Variants in VIPR2 observed in about 807,000 individuals in gnomAD.
VIPR2 encodes vasoactive intestinal peptide receptor 2.
In VIPR2, 48 loss-of-function variants were observed where a neutral mutation model predicts 58.0. The ratio of observed to expected loss-of-function variants is 0.83; its 90% confidence interval spans 0.66 to 1.05. The LOEUF (loss-of-function observed/expected upper bound fraction) is 1.05, where lower values mean the gene tolerates loss of function less well. Ranked by LOEUF, VIPR2 falls within the 50% of genes least tolerant of loss-of-function variation. VIPR2 has a pLI of 0.00. For synonymous variants in VIPR2, 243 were observed against 235.2 expected (o/e 1.03, Z -0.30); for missense variants, 534 against 558.0 (o/e 0.96, Z 0.43).
chr7:159,042,762 G>C (rs1357529013), intron 6 of VIPR2, among the ~76,000 whole-genome samples: 1 of 152,186 alleles, frequency 6.6e-6, no homozygotes, highest in Non-Finnish European at 1.5e-5. Flanking sequence ...CCTCAGTCTA[G>C]CTCCATGGGG....
chr7:159,098,151 C>G lies in VIPR2; in HGVS notation c.357+5606G>C, dbSNP rs977647102. Among the ~76,000 whole-genome samples the G allele has an allele frequency of 2.0e-5, 3 of 152,186 alleles. No homozygotes were observed. The highest frequency in any genetic ancestry group is 7.2e-5 in the African/African-American group (3 of 41,446). ...TTCTGTTTTCCACGCAGTGGGAACC[C>G]CGGCCCCCATCCATCAGCACAGAAG... On this transcript the variant is annotated intron_variant, in intron 4 of 12. Transcript: ENST00000262178. The surrounding 1 kb of genome is among the most constrained non-coding windows in gnomAD (Gnocchi z 5.2).
intron 2 of VIPR2, among the ~76,000 whole-genome samples, chr7:159,123,875 T>A (rs970148657): frequency 6.6e-6 from 1 of 152,264 alleles, no homozygotes; most frequent in African/African-American, 2.4e-5. Flanking sequence ...CTCATAATGG[T>A]ATGGATTTGC....
At chr7:159,039,695 C>G (rs1047924288) in intron 6 of VIPR2, among the ~76,000 whole-genome samples, 1 of 152,076 alleles carries the variant, frequency 6.6e-6, no homozygotes. Flanking sequence ...AAGTCAGACC[C>G]GAATCTGGTG....
intron 2 of VIPR2, among the ~76,000 whole-genome samples, chr7:159,129,139 T>C (rs923665794): frequency 0.031 from 3,604 of 116,182 alleles, 28 homozygotes; most frequent in Non-Finnish European, 0.036. Flanking sequence ...AACTGGCCTC[T>C]GGGGGGGACA....
chr7:159,053,953 G>C (rs961633396), intron 5 of VIPR2, among the ~76,000 whole-genome samples: 2 of 152,194 alleles, frequency 1.3e-5, no homozygotes, highest in African/African-American at 2.4e-5. Flanking sequence ...AATAAAAAAG[G>C]GTTGATGGAC....
chr7:159,040,268 A>AC (rs1352847546), intron 6 of VIPR2, among the ~76,000 whole-genome samples: 1 of 152,078 alleles, frequency 6.6e-6, no homozygotes, highest in African/African-American at 2.4e-5. Flanking sequence ...GATGTGAGGA[A>AC]CCCCGGCCAG....
intron 4 of VIPR2, among the ~76,000 whole-genome samples, chr7:159,070,293 A>C (rs73730144): frequency 0.083 from 12,473 of 150,936 alleles, 1,187 homozygotes; most frequent in African/African-American, 0.24. Context: ...TCCGCACACG[A>C]CCCAGGGCCC....
intron 2 of VIPR2, among the ~76,000 whole-genome samples, chr7:159,115,045 C>T (rs1323650938): frequency 6.6e-6 from 1 of 152,200 alleles, no homozygotes; most frequent in Non-Finnish European, 1.5e-5. Flanking sequence ...AACCCTAGAA[C>T]TGTACTTTCT....
At position 159,031,418 on chromosome 7, in the gene VIPR2, G is replaced by A. The variant is rs890701866; in HGVS notation, c.1143+410C>T. ...TGAACGCAGGGCAGAGCTCGGCTCCGGGCTTCCTCCCCAGGGACTCACAGG... is the reference window on the plus strand; with the variant it reads ...TGAACGCAGGGCAGAGCTCGGCTCCAGGCTTCCTCCCCAGGGACTCACAGG... On this transcript the variant is annotated intron_variant, in intron 12 of 12. Transcript: ENST00000262178. The surrounding 1 kb of genome is among the most constrained non-coding windows in gnomAD (Gnocchi z 4.0). 2.4e-5 allele frequency: 24 copies of A among 984,164 alleles called. No homozygotes were observed. In the East Asian group the frequency reaches 2.3e-3, roughly 93 times the overall value. 61.0% of individuals were successfully genotyped at this position (984,164 alleles called of 1,614,324 possible).
At chr7:159,056,719 C>A (rs1367264493) in intron 5 of VIPR2, among the ~76,000 whole-genome samples, 1 of 152,198 alleles carries the variant, frequency 6.6e-6, no homozygotes, top group Non-Finnish European at 1.5e-5. Flanking sequence ...ATGTTCAATG[C>A]CCGCAAAGCA....
chr7:159,057,947 T>TCA (rs923358380), intron 5 of VIPR2, among the ~76,000 whole-genome samples: 38 of 152,286 alleles, frequency 2.5e-4, no homozygotes, highest in African/African-American at 8.4e-4. Flanking sequence ...GCTAAGCCCT[T>TCA]CACATCTACC....
At chr7:159,144,328 C>T in intron 1 of VIPR2, 1 of 1,525,648 alleles carries the variant, frequency 6.6e-7, no homozygotes, top group Non-Finnish European at 8.8e-7. Context: ...CGAGAGGCAT[C>T]TGCGGCCAAC....
chr7:159,057,779 A>G (rs73730123), intron 5 of VIPR2, among the ~76,000 whole-genome samples: 1,650 of 152,216 alleles, frequency 0.011, 33 homozygotes, highest in African/African-American at 0.037. Context: ...CCCCAACCCA[A>G]ATGAACAATG....
intron 10 of VIPR2, 22 bp downstream of exon 10, chr7:159,034,191 C>T (rs1448423601): frequency 1.7e-5 from 28 of 1,612,272 alleles, no homozygotes; most frequent in Non-Finnish European, 2.3e-5. Context: ...TCAGGGACGG[C>T]CAGGCCGGGA....
intron 5 of VIPR2, among the ~76,000 whole-genome samples, chr7:159,056,941 C>CT (rs976244601): frequency 1.1e-4 from 16 of 152,162 alleles, no homozygotes; most frequent in Admixed American, 9.2e-4. Flanking sequence ...CAGACATGCA[C>CT]TTTTTTCAGC....
chr7:159,097,425 C>G lies in VIPR2; in HGVS notation c.357+6332G>C, dbSNP rs116472473. On this transcript the variant is annotated intron_variant, in intron 4 of 12. Transcript: ENST00000262178. This position sits in a 1 kb window ranked among gnomAD's most constrained non-coding sequence, Gnocchi z 5.3. ...CAGAAGACTTACGGGAGCCGGCCCCCTCGCGTGCCCACCACGGTGTGCTGC... is the reference window on the plus strand; with the variant it reads ...CAGAAGACTTACGGGAGCCGGCCCCGTCGCGTGCCCACCACGGTGTGCTGC... 9.2e-5 allele frequency among the ~76,000 whole-genome samples: 14 copies of G among 152,182 alleles called. No individual in the cohort carries two copies. Among genetic ancestry groups the G allele is most frequent in the African/African-American group, 3.1e-4 (13 of 41,434 alleles).
At chr7:159,078,819 A>G (rs1388390244) in intron 4 of VIPR2, among the ~76,000 whole-genome samples, 1 of 152,098 alleles carries the variant, frequency 6.6e-6, no homozygotes, top group Non-Finnish European at 1.5e-5. Context: ...GAAACATACA[A>G]CCTGAATCAG....
In VIPR2 at chr7:159,034,462, G is replaced by A. The variant is rs370703394; in HGVS notation, c.879+119C>T. 2.2e-4 allele frequency: 285 copies of A among 1,314,872 alleles called. 1 individual carries two copies. The East Asian group carries it at 5.2e-3, about 24-fold the overall frequency. 81.5% of individuals were successfully genotyped at this position (1,314,872 alleles called of 1,614,324 possible). A position where few individuals can be genotyped will look rare whatever the true frequency, so the allele number is the denominator to read the frequency against. ...CACATGCCTGAAGAGGTCCTTTTCCGGGAAGGCTGAGTGATGCGTGGAATG... is the reference window on the plus strand; with the variant it reads ...CACATGCCTGAAGAGGTCCTTTTCCAGGAAGGCTGAGTGATGCGTGGAATG... On this transcript the variant is annotated intron_variant, in intron 9 of 12. Transcript: ENST00000262178.
intron 3 of VIPR2, among the ~76,000 whole-genome samples, chr7:159,106,725 A>G (rs1449533351): frequency 4.8e-5 from 6 of 126,192 alleles, no homozygotes; most frequent in African/African-American, 1.6e-4. Flanking sequence ...AGGGAAGGGC[A>G]GAGAGAGGCC....
Sources: allele counts gnomAD v4.1 joint callset (sites outside exome capture counted in the v4.1 genomes callset), GRCh38; gene constraint gnomAD v4.1.1; non-coding constraint Gnocchi (gnomAD v3.1); transcripts MANE v1.5; gene names NCBI Gene and HGNC (gene_info 2026-07-23, HGNC 2026-07-21).